Variants in PTPRT observed in about 807,000 individuals in gnomAD.
The protein encoded by PTPRT is receptor-type tyrosine-protein phosphatase T.
Under a neutral mutation model 176.8 loss-of-function variants are expected in PTPRT, and 56 were observed. That is an observed-to-expected ratio of 0.32 (90% CI 0.26 to 0.40). PTPRT has a LOEUF of 0.40. PTPRT is among the 10% of genes least tolerant of loss of function. The pLI is 1.00. For missense variants in PTPRT, 1,540 were observed against 1,908.2 expected, an observed-to-expected ratio of 0.81 and a Z score of 3.60; for synonymous variants, 783 against 739.0, an observed-to-expected ratio of 1.06 and a Z score of -0.96.
intron 1 of PTPRT, among the ~76,000 whole-genome samples, chr20:42,939,664 A>C (rs1304775852): frequency 1.3e-5 from 2 of 152,108 alleles, no homozygotes; most frequent in African/African-American, 4.8e-5. Flanking sequence ...AGCTGGGGCC[A>C]TGGCAGTGAC....
intron 6 of PTPRT, among the ~76,000 whole-genome samples, chr20:42,723,286 G>A (rs1302203866): frequency 1.3e-5 from 2 of 152,112 alleles, no homozygotes; most frequent in African/African-American, 4.8e-5. Context: ...AGAAAAAGGG[G>A]CCACACCAAG....
intron 2 of PTPRT, among the ~76,000 whole-genome samples, chr20:42,855,988 T>C (rs2078556540): frequency 1.3e-5 from 2 of 152,022 alleles, no homozygotes; most frequent in Non-Finnish European, 2.9e-5. Flanking sequence ...AGAAAATGAA[T>C]GGGTTTAGAA....
intron 1 of PTPRT, among the ~76,000 whole-genome samples, chr20:43,149,315 G>A (rs1368760239): frequency 6.6e-6 from 1 of 152,106 alleles, no homozygotes; most frequent in African/African-American, 2.4e-5. Context: ...GAAAATTCAA[G>A]TTTTAAAAGG....
intron 1 of PTPRT, among the ~76,000 whole-genome samples, chr20:43,080,336 C>T (rs981861903): frequency 6.6e-6 from 1 of 152,232 alleles, no homozygotes; most frequent in African/African-American, 2.4e-5. Context: ...AGCCAACCTA[C>T]AACCAACATG....
At chr20:42,261,384 T>C (rs1229892278) in intron 13 of PTPRT, among the ~76,000 whole-genome samples, 2 of 148,222 alleles carry the variant, frequency 1.3e-5, no homozygotes, top group Non-Finnish European at 2.9e-5. Context: ...CTAAACTAAT[T>C]ACATTTGCAA....
chr20:42,192,549 G>A (rs79951542), intron 16 of PTPRT, among the ~76,000 whole-genome samples: 1 of 152,214 alleles, frequency 6.6e-6, no homozygotes, highest in Non-Finnish European at 1.5e-5. Context: ...AGGTTTCAGG[G>A]TCCACCCTCC....
intron 2 of PTPRT, among the ~76,000 whole-genome samples, chr20:42,815,076 A>C (rs1284479951): frequency 1.3e-5 from 2 of 152,310 alleles, no homozygotes; most frequent in African/African-American, 4.8e-5. Context: ...TGAAAGGTAT[A>C]CTTTCTCCAT....
rs564758055 is a variant in PTPRT at position 43,097,011 on chromosome 20, C to T, written c.88+92635G>A. Among the ~76,000 whole-genome samples, 5 of 152,292 alleles carry T rather than the reference C, an allele frequency of 3.3e-5. No individual in the cohort carries two copies. In the South Asian group the frequency reaches 8.3e-4, roughly 25 times the overall value. On this transcript the variant is annotated intron_variant, in intron 1 of 30. Coordinates refer to ENST00000373187, the MANE Select transcript of PTPRT (RefSeq NM_007050.6). ...GCTTCTGAGCACCAGAAGGCCTCAG[C>T]GACCATAAATCTACTTGCAGAGGAG...
At chr20:42,038,236 A>ATCTC in the PTPRT span, among the ~76,000 whole-genome samples, 1 of 152,198 alleles carries the variant, frequency 6.6e-6, no homozygotes, top group East Asian at 1.9e-4. Flanking sequence ...TTTATAAATA[A>ATCTC]GGAGATCGGC....
chr20:42,593,494 C>T (rs778563921), intron 7 of PTPRT, among the ~76,000 whole-genome samples: 10 of 152,170 alleles, frequency 6.6e-5, no homozygotes, highest in Non-Finnish European at 1.2e-4. Context: ...ATGTAGCTTA[C>T]TTATTGCCAT....
chr20:42,116,824 G>T (rs1987307162), intron 21 of PTPRT, among the ~76,000 whole-genome samples: 1 of 152,166 alleles, frequency 6.6e-6, no homozygotes, highest in African/African-American at 2.4e-5. Context: ...TTATCTAAGA[G>T]ACTGCTTTCC....
At chr20:42,258,588 T>C (rs996232445) in intron 13 of PTPRT, among the ~76,000 whole-genome samples, 1 of 152,224 alleles carries the variant, frequency 6.6e-6, no homozygotes, top group Non-Finnish European at 1.5e-5. Context: ...ATTCTTTCTT[T>C]GATCTTGCTG....
At chr20:42,980,480 A>G (rs1983211885) in intron 1 of PTPRT, among the ~76,000 whole-genome samples, 1 of 152,218 alleles carries the variant, frequency 6.6e-6, no homozygotes, top group Non-Finnish European at 1.5e-5. Context: ...TGCAGCTGCA[A>G]TTTTATAGAA....
intron 18 of PTPRT, among the ~76,000 whole-genome samples, chr20:42,129,561 T>C (rs1199985991): frequency 6.6e-6 from 1 of 152,148 alleles, no homozygotes; most frequent in Non-Finnish European, 1.5e-5. Flanking sequence ...TCTGACACGC[T>C]AATAGACACA....
chr20:42,862,784 C>T (rs1208132899), intron 2 of PTPRT, among the ~76,000 whole-genome samples: 1 of 152,172 alleles, frequency 6.6e-6, no homozygotes, highest in African/African-American at 2.4e-5. Context: ...CAGCCCATAT[C>T]GGCTGGGTTT....
intron 1 of PTPRT, among the ~76,000 whole-genome samples, chr20:42,886,698 G>T (rs2079108563): frequency 6.6e-6 from 1 of 152,204 alleles, no homozygotes; most frequent in Admixed American, 6.5e-5. Context: ...ATTTGCTGTT[G>T]ACAAGGATTC....
chr20:42,520,985 T>A (rs1426474836), intron 7 of PTPRT, among the ~76,000 whole-genome samples: 1 of 151,002 alleles, frequency 6.6e-6, no homozygotes, highest in African/African-American at 2.5e-5. Context: ...TGTGACTATC[T>A]GTCTGTCTGT....
chr20:42,708,731 T>C (rs1337085347), intron 6 of PTPRT, among the ~76,000 whole-genome samples: 1 of 152,204 alleles, frequency 6.6e-6, no homozygotes, highest in Non-Finnish European at 1.5e-5. Context: ...AATAAAGACA[T>C]TATGAATGTA....
At chr20:42,836,150 G>A (rs567640232) in intron 2 of PTPRT, among the ~76,000 whole-genome samples, 1 of 152,200 alleles carries the variant, frequency 6.6e-6, no homozygotes, top group Non-Finnish European at 1.5e-5. Context: ...CAAGGAACCT[G>A]CCAGGAACAG....
Sources: allele counts gnomAD v4.1 joint callset (sites outside exome capture counted in the v4.1 genomes callset), GRCh38; gene constraint gnomAD v4.1.1; transcripts MANE v1.5; gene names NCBI Gene and HGNC (gene_info 2026-07-23, HGNC 2026-07-21).